Variants in ANKRD13C observed in about 807,000 individuals in gnomAD.
The protein encoded by ANKRD13C is ankyrin repeat domain-containing protein 13C.
A neutral mutation model predicts 65.5 loss-of-function variants in ANKRD13C; 16 were observed. The observed-to-expected ratio is 0.24, with a 90% CI of 0.17 to 0.37. The LOEUF (loss-of-function observed/expected upper bound fraction) is 0.37, where lower values mean the gene tolerates loss of function less well. ANKRD13C is among the 10% of genes least tolerant of loss of function. The probability of loss-of-function intolerance (pLI) is 1.00; values close to 1 mark genes in which losing one functional copy is unlikely to be tolerated. For synonymous variants in ANKRD13C, 235 were observed against 238.7 expected, an observed-to-expected ratio of 0.98 and a Z score of 0.14; for missense variants, 503 against 655.9, an observed-to-expected ratio of 0.77 and a Z score of 2.55.
rs1553248051 is a variant in ANKRD13C, at chr1:70,309,732, A to AAAAT, written c.710-3443_710-3442insATTT. ...CTCCGTCGCAAAAAAAAAAAAAAAA[A>AAAAT]AATAATAATAATAATAATATACAAA... On this transcript the variant is annotated intron_variant, in intron 5 of 12. Coordinates refer to ENST00000370944, the MANE Select transcript of ANKRD13C (RefSeq NM_030816.5). Among the ~76,000 whole-genome samples the AAAAT allele has an allele frequency of 4.6e-3, 494 of 107,080 alleles. 23 individuals are homozygous for AAAAT. In the East Asian group the frequency reaches 0.12, roughly 26 times the overall value. 70.2% of individuals were successfully genotyped at this position (107,080 alleles called of 152,430 possible).
chr1:70,335,515 G>A (rs964543693), intron 2 of ANKRD13C, among the ~76,000 whole-genome samples: 5 of 151,446 alleles, frequency 3.3e-5, no homozygotes, highest in African/African-American at 7.3e-5. Flanking sequence ...CAGAATAACC[G>A]GGGATCTAAA....
At chr1:70,345,976 A>C (rs1311507284) in intron 1 of ANKRD13C, among the ~76,000 whole-genome samples, 2 of 152,042 alleles carry the variant, frequency 1.3e-5, no homozygotes, top group Non-Finnish European at 2.9e-5. Context: ...CTTTTTTCTA[A>C]TACTTTTTTT....
chr1:70,279,346 G>A (rs1419180274), intron 9 of ANKRD13C, among the ~76,000 whole-genome samples: 2 of 152,066 alleles, frequency 1.3e-5, no homozygotes, highest in Non-Finnish European at 2.9e-5. Flanking sequence ...CTAGCCCAGT[G>A]ACAGCACCAG....
chr1:70,312,830 T>A (rs10465863), intron 5 of ANKRD13C, among the ~76,000 whole-genome samples: 16,923 of 152,042 alleles, frequency 0.11, 1,175 homozygotes, highest in East Asian at 0.35. Context: ...CATATTTGGA[T>A]ATGAAAGTTT....
chr1:70,289,503 C>A (rs1171920136), intron 9 of ANKRD13C, among the ~76,000 whole-genome samples: 1 of 151,812 alleles, frequency 6.6e-6, no homozygotes, highest in East Asian at 1.9e-4. Flanking sequence ...CTTGCTCTGT[C>A]ACCCAGGCTG....
At chr1:70,342,524 G>A (rs915451456) in intron 1 of ANKRD13C, among the ~76,000 whole-genome samples, 2 of 152,102 alleles carry the variant, frequency 1.3e-5, no homozygotes, top group African/African-American at 2.4e-5. Flanking sequence ...GTGACAGAGC[G>A]AGACTCCAAC....
chr1:70,304,968 T>A (rs915358884), intron 6 of ANKRD13C, among the ~76,000 whole-genome samples: 5 of 152,030 alleles, frequency 3.3e-5, no homozygotes, highest in Admixed American at 1.3e-4. Flanking sequence ...GAGGTTTTTT[T>A]AAAAAACACG....
At chr1:70,267,172 T>G (rs1678664668) in intron 12 of ANKRD13C, among the ~76,000 whole-genome samples, 2 of 152,328 alleles carry the variant, frequency 1.3e-5, no homozygotes, top group South Asian at 2.1e-4. Context: ...TATCACTAAA[T>G]AATGTCCCTC....
chr1:70,271,565 A>C (rs528736566), intron 11 of ANKRD13C, among the ~76,000 whole-genome samples: 32 of 152,250 alleles, frequency 2.1e-4, no homozygotes, highest in Admixed American at 6.5e-4. Flanking sequence ...TCCATACATA[A>C]ATTAAAGTTA....
chr1:70,302,312 G>T (rs147114365), intron 6 of ANKRD13C, among the ~76,000 whole-genome samples: 5 of 152,086 alleles, frequency 3.3e-5, no homozygotes, highest in Admixed American at 2.6e-4. Context: ...GGGGCGGCGG[G>T]GGGGCGGGGG....
chr1:70,314,960 C>T (rs1017701343), intron 4 of ANKRD13C, among the ~76,000 whole-genome samples: 6 of 152,082 alleles, frequency 3.9e-5, no homozygotes, highest in African/African-American at 1.2e-4. Flanking sequence ...ATATACAGGC[C>T]GGGCACGGTG....
intron 1 of ANKRD13C, among the ~76,000 whole-genome samples, chr1:70,352,992 G>A (rs72929297): frequency 6.6e-6 from 1 of 152,026 alleles, no homozygotes; most frequent in African/African-American, 2.4e-5. Flanking sequence ...TATTTCACAG[G>A]CAAATATTTC....
intron 5 of ANKRD13C, among the ~76,000 whole-genome samples, chr1:70,312,812 T>A (rs2101458767): frequency 6.6e-6 from 1 of 152,258 alleles, no homozygotes; most frequent in East Asian, 1.9e-4. Flanking sequence ...GTCACTAGAA[T>A]CAAATTTCAT....
intron 9 of ANKRD13C, among the ~76,000 whole-genome samples, chr1:70,278,901 T>C (rs1415945643): frequency 1.3e-5 from 2 of 152,142 alleles, no homozygotes; most frequent in East Asian, 1.9e-4. Flanking sequence ...AGATAACGTA[T>C]ATAAAAAACT....
At chr1:70,287,658 G>A (rs1278545725) in intron 9 of ANKRD13C, among the ~76,000 whole-genome samples, 1 of 152,034 alleles carries the variant, frequency 6.6e-6, no homozygotes, top group Non-Finnish European at 1.5e-5. Context: ...GCTGTGGAGT[G>A]AGAGGAAATA....
chr1:70,354,047 A>G lies in ANKRD13C; in HGVS notation c.362T>C (p.Phe121Ser). The G allele has an allele frequency of 6.3e-7, 1 of 1,589,668 alleles. No homozygotes were observed. The highest frequency in any genetic ancestry group is 8.6e-7 in the Non-Finnish European group (1 of 1,166,908). Residue 121 changes from phenylalanine (F) to serine (S), a missense_variant, in exon 1 of 13, where the codon TTC becomes TCC. Phe to Ser is a radical substitution (Grantham distance 155, BLOSUM62 -2). This residue lies in a region of ANKRD13C where 203 missense variants were observed against 177.6 expected (regional missense o/e 1.14). Coordinates refer to ENST00000370944, the MANE Select transcript of ANKRD13C (RefSeq NM_030816.5). ...GGAGAGTCTCCTCACATCCCCCTTG[A>G]AGACGCACTCGTGCACCGGGTAGTG... ...PAHYPVHECV[F>S]KGDVRRLSSL... is the part of the protein sequence containing the mutation.
chr1:70,264,916 C>A (rs1678546011), intron 12 of ANKRD13C, among the ~76,000 whole-genome samples: 2 of 152,146 alleles, frequency 1.3e-5, no homozygotes, highest in African/African-American at 4.8e-5. Flanking sequence ...TAAGAACAAA[C>A]CATGCAGTTG....
chr1:70,288,492 C>T lies in ANKRD13C; in HGVS notation c.1215+3896G>A, dbSNP rs77863071. On this transcript the variant is annotated intron_variant, in intron 9 of 12. Coordinates refer to ENST00000370944, the MANE Select transcript of ANKRD13C (RefSeq NM_030816.5). ...TATGGCCCAAAACAACCCAGATGTTCTTCAACATGTGAATGGTTAAACAAA... is the reference window on the plus strand; with the variant it reads ...TATGGCCCAAAACAACCCAGATGTTTTTCAACATGTGAATGGTTAAACAAA... Among the ~76,000 whole-genome samples the T allele has an allele frequency of 2.9e-3, 436 of 152,278 alleles. 5 individuals are homozygous for T. Among genetic ancestry groups the T allele is most frequent in the African/African-American group, 0.01 (420 of 41,552 alleles).
intron 6 of ANKRD13C, among the ~76,000 whole-genome samples, chr1:70,301,324 C>T (rs1680346919): frequency 6.6e-6 from 1 of 152,090 alleles, no homozygotes; most frequent in Non-Finnish European, 1.5e-5. Flanking sequence ...ACTGTAGCTA[C>T]TCAATAAAAG....
Sources: gnomAD v4.1 joint callset for allele counts (sites outside exome capture counted in the v4.1 genomes callset) on GRCh38, gnomAD v4.1.1 for gene constraint, gnomAD v4.1.1 regional missense constraint, MANE v1.5 for transcripts, NCBI Gene and HGNC (gene_info 2026-07-23, HGNC 2026-07-21) for gene names.